The following PDSS2 variants were observed in gnomAD, a reference collection of about 807,000 sequenced individuals.
PDSS2 encodes the protein all trans-polyprenyl-diphosphate synthase PDSS2.
In PDSS2, 31 loss-of-function variants were observed where a neutral mutation model predicts 44.5. That is an observed-to-expected ratio of 0.70 (90% CI 0.52 to 0.94). The LOEUF is 0.94. Among genes scored for constraint, PDSS2 ranks in the 40% least tolerant of loss-of-function variants. PDSS2 has a pLI of 0.00. For missense variants in PDSS2, 452 were observed against 482.2 expected, an observed-to-expected ratio of 0.94 and a Z score of 0.59; for synonymous variants, 157 against 180.3, an observed-to-expected ratio of 0.87 and a Z score of 1.03.
rs541776335 is a variant in PDSS2 at position 107,417,623 on chromosome 6, G to A, written c.296+41367C>T. On this transcript the variant is annotated intron_variant, in intron 1 of 7. Coordinates refer to ENST00000369037, the MANE Select transcript of PDSS2 (RefSeq NM_020381.4). The stretch of plus-strand genomic sequence containing the variant: ...AAAATACAAAAAATTAGCTGGGCAC[G>A]GTGGCGCAGCCTGTAGTCCCAGCTA... Among the ~76,000 whole-genome samples the A allele has an allele frequency of 3.3e-5, 5 of 152,224 alleles. No individual in the cohort carries two copies. The East Asian group carries it at 9.7e-4, about 29-fold the overall frequency.
intron 2 of PDSS2, among the ~76,000 whole-genome samples, chr6:107,315,640 A>G (rs1777176514): frequency 6.6e-6 from 1 of 152,244 alleles, no homozygotes; most frequent in Admixed American, 6.5e-5. Flanking sequence ...GTACTTGAGA[A>G]GCTCATGGCC....
intron 2 of PDSS2, among the ~76,000 whole-genome samples, chr6:107,282,913 G>A (rs1776016781): frequency 6.7e-6 from 1 of 148,490 alleles, no homozygotes; most frequent in Non-Finnish European, 1.5e-5. Flanking sequence ...TGTAGAGACA[G>A]GGGTCTCCCT....
chr6:107,411,807 G>T (rs913442404), intron 1 of PDSS2, among the ~76,000 whole-genome samples: 1 of 151,106 alleles, frequency 6.6e-6, no homozygotes, highest in African/African-American at 2.4e-5. Flanking sequence ...ATGGATGTTA[G>T]TATTGGGGGG....
intron 4 of PDSS2, among the ~76,000 whole-genome samples, chr6:107,216,948 T>A (rs927907376): frequency 1.3e-5 from 2 of 152,172 alleles, no homozygotes; most frequent in Admixed American, 6.5e-5. Flanking sequence ...TATATAGGGA[T>A]TTGCTATATT....
intron 1 of PDSS2, among the ~76,000 whole-genome samples, chr6:107,380,902 A>G (rs1000257540): frequency 1.3e-5 from 2 of 152,226 alleles, no homozygotes; most frequent in African/African-American, 4.8e-5. Context: ...ATACAGATTT[A>G]CTTTTCTACT....
intron 2 of PDSS2, among the ~76,000 whole-genome samples, chr6:107,321,942 T>C (rs908095782): frequency 6.6e-6 from 1 of 152,190 alleles, no homozygotes; most frequent in Non-Finnish European, 1.5e-5. Context: ...CCCTGCAAAC[T>C]GATTCATCAT....
In PDSS2 at chr6:107,154,250, G is replaced by C; in HGVS notation, c.*369C>G. On this transcript the variant is annotated 3_prime_UTR_variant, in exon 8 of 8. Coordinates refer to ENST00000369037, the MANE Select transcript of PDSS2 (RefSeq NM_020381.4). ...TCTTGACACCTGCAGCTTCCAACTT[G>C]CTTTGTCCTCTCTAGCAGGAAAAAC... 3.3e-6 allele frequency: 1 copy of C among 302,616 alleles called. No homozygotes were observed. Among genetic ancestry groups the C allele is most frequent in the East Asian group, 8.8e-5 (1 of 11,382 alleles). The allele number at this position is 302,616 out of a possible 1,614,324, so 18.7% of individuals were successfully genotyped here.
chr6:107,307,062 T>C (rs1383598257), intron 2 of PDSS2, among the ~76,000 whole-genome samples: 1 of 152,258 alleles, frequency 6.6e-6, no homozygotes, highest in African/African-American at 2.4e-5. Context: ...ATTCTGGATA[T>C]ATCCACTTTT....
chr6:107,154,632 G>A lies in PDSS2; in HGVS notation c.1187C>T (p.Thr396Ile). The change falls in exon 8 of 8, where the codon ACC becomes ATC. Residue 396 changes from threonine to isoleucine, a missense_variant. Physicochemically the swap from Thr to Ile is moderately conservative, Grantham distance 89 (BLOSUM62 -1). Transcript: ENST00000369037. ...SALENIVFAV[T>I]RFS The stretch of plus-strand genomic sequence containing the variant: ...TTTAATTTGATGTCATGAAAATCTG[G>A]TCACAGCAAACACAATGTTTTCTAA... 5 of 1,614,112 alleles carry A rather than the reference G, an allele frequency of 3.1e-6. No individual in the cohort carries two copies. Among genetic ancestry groups the A allele is most frequent in the Non-Finnish European group, 4.2e-6 (5 of 1,180,008 alleles).
chr6:107,275,282 T>A (rs1214451065), intron 2 of PDSS2, among the ~76,000 whole-genome samples: 1 of 152,162 alleles, frequency 6.6e-6, no homozygotes, highest in Non-Finnish European at 1.5e-5. Flanking sequence ...TTAAACATTA[T>A]CACAACTTCA....
intron 7 of PDSS2, among the ~76,000 whole-genome samples, chr6:107,159,344 G>A (rs1771032849): frequency 8.6e-6 from 1 of 116,360 alleles, no homozygotes. Context: ...AGGAAGGAAG[G>A]AAGAAGGGAA....
At chr6:107,448,261 T>C (rs1005973387) in intron 1 of PDSS2, among the ~76,000 whole-genome samples, 2 of 152,218 alleles carry the variant, frequency 1.3e-5, no homozygotes, top group African/African-American at 4.8e-5. Flanking sequence ...CCAGCTTGAA[T>C]TTCTCCTCAG....
chr6:107,456,193 C>T (rs748693350), intron 1 of PDSS2, among the ~76,000 whole-genome samples: 1 of 152,030 alleles, frequency 6.6e-6, no homozygotes, highest in Non-Finnish European at 1.5e-5. Flanking sequence ...TGGTGGCGGG[C>T]GCCTATAATC....
chr6:107,337,843 A>T (rs1777953761), intron 1 of PDSS2, among the ~76,000 whole-genome samples: 1 of 152,178 alleles, frequency 6.6e-6, no homozygotes, highest in South Asian at 2.1e-4. Context: ...TATTATCATT[A>T]TCTCAATGAT....
chr6:107,337,141 G>C (rs1562471294), intron 1 of PDSS2, among the ~76,000 whole-genome samples: 1 of 151,592 alleles, frequency 6.6e-6, no homozygotes, highest in Non-Finnish European at 1.5e-5. Context: ...CTATATGTCA[G>C]AAACTGTTCT....
chr6:107,457,757 G>C (rs1450174611), intron 1 of PDSS2, among the ~76,000 whole-genome samples: 1 of 152,192 alleles, frequency 6.6e-6, no homozygotes, highest in Non-Finnish European at 1.5e-5. Flanking sequence ...TCCTGTCCTG[G>C]AGGGTAAAGA....
At chr6:107,312,514 C>T (rs1006117375) in intron 2 of PDSS2, among the ~76,000 whole-genome samples, 1 of 152,218 alleles carries the variant, frequency 6.6e-6, no homozygotes, top group Non-Finnish European at 1.5e-5. Flanking sequence ...CTGTGTGCTT[C>T]AGTTTTCCCC....
intron 3 of PDSS2, among the ~76,000 whole-genome samples, chr6:107,247,979 G>A (rs1338430180): frequency 4.6e-5 from 7 of 151,096 alleles, no homozygotes; most frequent in South Asian, 2.1e-4. Context: ...AGATCGCAGC[G>A]CCACTGCACT....
At position 107,302,855 on chromosome 6, in the gene PDSS2, A is replaced by T. The variant is rs112271800; in HGVS notation, c.432-28628T>A. 1.9e-3 allele frequency among the ~76,000 whole-genome samples: 282 copies of T among 152,060 alleles called. 5 individuals are homozygous for T. Among genetic ancestry groups the T allele is most frequent in the African/African-American group, 6.6e-3 (275 of 41,528 alleles). ...TGTAAAAACTTACTACCAAAAAAAA[A>T]AAAAGAATTTAAAATATCTCAATAA... On this transcript the variant is annotated intron_variant, in intron 2 of 7. Transcript: ENST00000369037.
Sources: allele counts gnomAD v4.1 joint callset (sites outside exome capture counted in the v4.1 genomes callset), GRCh38; gene constraint gnomAD v4.1.1; transcripts MANE v1.5; gene names NCBI Gene and HGNC (gene_info 2026-07-23, HGNC 2026-07-21).